The following NOS1 variants were observed in gnomAD, a reference collection of about 807,000 sequenced individuals.
NOS1 encodes NOS type I.
A neutral mutation model predicts 164.5 loss-of-function variants in NOS1; 51 were observed. The ratio of observed to expected loss-of-function variants is 0.31; its 90% confidence interval spans 0.25 to 0.39. The LOEUF (loss-of-function observed/expected upper bound fraction) is 0.39, where lower values mean the gene tolerates loss of function less well. Among genes scored for constraint, NOS1 ranks in the 10% least tolerant of loss-of-function variants. The pLI, the probability that NOS1 is intolerant of heterozygous loss-of-function variation, is 1.00. For missense variants in NOS1, 1,362 were observed against 1,885.6 expected (o/e 0.72, Z 5.14); for synonymous variants, 719 against 745.8 (o/e 0.96, Z 0.59).
chr12:117,257,428 CT>C (rs1017129181), intron 16 of NOS1, among the ~76,000 whole-genome samples: 2 of 151,992 alleles, frequency 1.3e-5, no homozygotes, highest in Admixed American at 1.3e-4. Context: ...TACCAAATAC[CT>C]TTAGAACTCA....
At chr12:117,231,434 C>A (rs1416762718) in intron 22 of NOS1, among the ~76,000 whole-genome samples, 1 of 151,866 alleles carries the variant, frequency 6.6e-6, no homozygotes, top group Non-Finnish European at 1.5e-5. Context: ...TGGAATGTTC[C>A]CAACACAAAG....
chr12:117,304,766 T>G lies in NOS1; in HGVS notation c.852+6700A>C, dbSNP rs556414045. On this transcript the variant is annotated intron_variant, in intron 3 of 28. Coordinates refer to ENST00000317775, the MANE Select transcript of NOS1 (RefSeq NM_000620.5). ...AGAGAAATGACTGCTAGATAAAGAT[T>G]AATGCCTCAGCCTCCTGAGATGGAC... Among the ~76,000 whole-genome samples the G allele has an allele frequency of 3.9e-5, 6 of 152,302 alleles. No homozygotes were observed. The South Asian group carries it at 1.2e-3, about 32-fold the overall frequency.
At chr12:117,216,475 C>T (rs1956612965) in intron 28 of NOS1, among the ~76,000 whole-genome samples, 1 of 151,972 alleles carries the variant, frequency 6.6e-6, no homozygotes, top group African/African-American at 2.4e-5. Flanking sequence ...AGCCATCGCG[C>T]CCGGCCTTTT....
intron 7 of NOS1, among the ~76,000 whole-genome samples, chr12:117,283,165 A>G (rs1392642579): frequency 1.3e-5 from 2 of 151,080 alleles, no homozygotes; most frequent in African/African-American, 2.4e-5. Flanking sequence ...CGTTCAAGCA[A>G]TCCTCCCACC....
chr12:117,336,036 C>T (rs775303993), intron 1 of NOS1, among the ~76,000 whole-genome samples: 58 of 152,116 alleles, frequency 3.8e-4, no homozygotes, highest in Non-Finnish European at 6.9e-4. Flanking sequence ...CTGCACCTTA[C>T]GGATGGATAA....
Position 117,214,796 on chromosome 12 carries a change from C to G in NOS1, c.*513G>C. 1.0e-6 allele frequency: 1 copy of G among 985,476 alleles called. No individual in the cohort carries two copies. The highest frequency in any genetic ancestry group is 1.2e-6 in the Non-Finnish European group (1 of 830,336). 61.0% of individuals were successfully genotyped at this position (985,476 alleles called of 1,614,324 possible). A position where few individuals can be genotyped will look rare whatever the true frequency, so the allele number is the denominator to read the frequency against. The stretch of plus-strand genomic sequence containing the variant: ...GCAGTGGCAATCTAAGATCGACACA[C>G]TTGTGCAGGGAAGAGGACGGACAGA... On this transcript the variant is annotated 3_prime_UTR_variant, in exon 29 of 29. Coordinates refer to ENST00000317775, the MANE Select transcript of NOS1 (RefSeq NM_000620.5).
At position 117,243,110 on chromosome 12, in the gene NOS1, G is replaced by A. The variant is rs1870321908; in HGVS notation, c.2962+187C>T. 2.6e-5 allele frequency among the ~76,000 whole-genome samples: 4 copies of A among 152,058 alleles called. No homozygotes were observed. The highest frequency in any genetic ancestry group is 2.6e-4 in the Admixed American group (4 of 15,266). On this transcript the variant is annotated intron_variant, in intron 19 of 28. Transcript: ENST00000317775. The surrounding 1 kb of genome is among the most constrained non-coding windows in gnomAD (Gnocchi z 4.3). ...CACAGTACATTACTAGAGAGAGAGA[G>A]GGAAACATTTACCAGCACTTGTTTT...
At chr12:117,251,276 C>G (rs894280977) in intron 17 of NOS1, among the ~76,000 whole-genome samples, 1 of 152,136 alleles carries the variant, frequency 6.6e-6, no homozygotes, top group Non-Finnish European at 1.5e-5. Flanking sequence ...TGTTTACAAG[C>G]CACCAGTTTA....
At position 117,213,201 on chromosome 12, in the gene NOS1, T is replaced by C. The variant is rs9658569; in HGVS notation, c.*2108A>G. 6.5e-4 allele frequency: 644 copies of C among 985,442 alleles called. 6 individuals are homozygous for C. In the African/African-American group the frequency reaches 0.011, roughly 16 times the overall value. 61.0% of individuals were successfully genotyped at this position (985,442 alleles called of 1,614,324 possible). On this transcript the variant is annotated 3_prime_UTR_variant, in exon 29 of 29. Transcript: ENST00000317775. ...GAAGCACTGATCAATTTGTCTTTAA[T>C]GGGGATTGGACACAACAGTTTCCTT... is the stretch of plus-strand genomic sequence containing the variant.
rs1173208509 is a variant in NOS1 at position 117,234,059 on chromosome 12, C to A, written c.3235+506G>T. Among the ~76,000 whole-genome samples, 1 of 152,102 alleles carries A rather than the reference C, an allele frequency of 6.6e-6. No individual in the cohort carries two copies. Among genetic ancestry groups the A allele is most frequent in the African/African-American group, 2.4e-5 (1 of 41,412 alleles). On this transcript the variant is annotated intron_variant, in intron 21 of 28. Transcript: ENST00000317775. This position sits in a 1 kb window ranked among gnomAD's most constrained non-coding sequence, Gnocchi z 4.3. ...GACCCATTTGCCTTTGAAAGTTCTT[C>A]AATATGAATGTCAAGGATGGACACT...
intron 22 of NOS1, 49 bp from the exon 23 acceptor site, chr12:117,227,690 A>T: frequency 6.3e-7 from 1 of 1,586,100 alleles, no homozygotes; most frequent in Non-Finnish European, 8.7e-7. Context: ...GCTGCCACAT[A>T]CTTCCCATGA....
In NOS1 at chr12:117,331,091, C is replaced by A; in HGVS notation, c.-22G>T. 1 of 1,592,560 alleles carries A rather than the reference C, an allele frequency of 6.3e-7. No homozygotes were observed. On this transcript the variant is annotated 5_prime_UTR_variant, in exon 2 of 29. Coordinates refer to ENST00000317775, the MANE Select transcript of NOS1 (RefSeq NM_000620.5). Reference sequence around the variant, plus strand: ...CCATGGTAACTAGCTTCCGAGGGGTCCTGTCTGAAGACCTCACAATGCTAT... The same window carrying A: ...CCATGGTAACTAGCTTCCGAGGGGTACTGTCTGAAGACCTCACAATGCTAT...
chr12:117,236,489 T>C (rs956422543), intron 20 of NOS1, among the ~76,000 whole-genome samples: 3 of 152,206 alleles, frequency 2.0e-5, no homozygotes, highest in Admixed American at 1.3e-4. Context: ...TAATTGTGAA[T>C]GGCAGTATTA....
chr12:117,308,581 A>T (rs1874272019), intron 3 of NOS1, among the ~76,000 whole-genome samples: 1 of 151,902 alleles, frequency 6.6e-6, no homozygotes, highest in African/African-American at 2.4e-5. Flanking sequence ...TATAGGCGCA[A>T]TGTGGTCAGA....
chr12:117,285,389 A>G, intron 6 of NOS1, 57 bp from the exon 7 acceptor site: 1 of 1,192,896 alleles, frequency 8.4e-7, no homozygotes, highest in Non-Finnish European at 1.2e-6. Context: ...CAGCTCCCCC[A>G]GCGCAATCTT....
Position 117,280,757 on chromosome 12 carries a change from G to T in NOS1, c.1492C>A (p.Leu498Met), listed in dbSNP as rs374214088. ...AGYKQPDGST[L>M]GDPANVQFTE... ...AACTGCACATTGGCTGGGTCCCCCA[G>T]GGTGGAGCCGTCAGGCTGCTTGTAG... The change falls in exon 8 of 29, where the codon CTG (leucine) becomes ATG (methionine). Residue 498 changes from leucine (L) to methionine (M), a missense_variant. Physicochemically the swap from Leu to Met is conservative, Grantham distance 15 (BLOSUM62 2). This residue lies in a region of NOS1 where 134 missense variants were observed against 267.3 expected (regional missense o/e 0.50). Transcript: ENST00000317775. 6.3e-5 allele frequency: 102 copies of T among 1,614,078 alleles called. No homozygotes were observed. Among genetic ancestry groups the T allele is most frequent in the Non-Finnish European group, 8.1e-5 (96 of 1,180,034 alleles).
intron 1 of NOS1, among the ~76,000 whole-genome samples, chr12:117,355,381 G>A (rs1876810073): frequency 6.6e-6 from 1 of 152,218 alleles, no homozygotes; most frequent in South Asian, 2.1e-4. Flanking sequence ...TTGGGCCAAT[G>A]TTGCTCTCAG....
Position 117,226,767 on chromosome 12 carries a change from C to T in NOS1, c.3620G>A (p.Gly1207Glu), listed in dbSNP as rs755241777. The stretch of plus-strand genomic sequence containing the variant: ...TACGCCGTGGTGAATTGGTCCTTCT[C>T]CATCTAGTAGAATAACCAAGGCAGT... ...VAIVSYRTRD[G>E]EGPIHHGVCS... The change falls in exon 24 of 29, where the codon GGA becomes GAA. Residue 1207 changes from glycine (G) to glutamate (E), a missense_variant. Physicochemically the swap from Gly to Glu is moderately conservative, Grantham distance 98. Coordinates refer to ENST00000317775, the MANE Select transcript of NOS1 (RefSeq NM_000620.5). 1.2e-6 allele frequency: 2 copies of T among 1,613,416 alleles called. No homozygotes were observed. Among genetic ancestry groups the T allele is most frequent in the Non-Finnish European group, 1.7e-6 (2 of 1,179,622 alleles).
chr12:117,319,889 A>C (rs9658286), intron 2 of NOS1, among the ~76,000 whole-genome samples: 29,498 of 152,166 alleles, frequency 0.19, 3,446 homozygotes, highest in East Asian at 0.35. Flanking sequence ...GAACCTGAAC[A>C]CTAGTTCTAG....
Sources: gnomAD v4.1 joint callset for allele counts (sites outside exome capture counted in the v4.1 genomes callset) on GRCh38, gnomAD v4.1.1 for gene constraint, gnomAD v4.1.1 regional missense constraint, Gnocchi (gnomAD v3.1) non-coding constraint, MANE v1.5 for transcripts, NCBI Gene and HGNC (gene_info 2026-07-23, HGNC 2026-07-21) for gene names.